The following PCYT1A variants were observed in gnomAD, a reference collection of about 807,000 sequenced individuals.
PCYT1A encodes phosphate cytidylyltransferase 1A, choline.
A neutral mutation model predicts 43.7 loss-of-function variants in PCYT1A; 25 were observed. That is an observed-to-expected ratio of 0.57 (90% CI 0.42 to 0.80). The LOEUF is 0.80. Among genes scored for constraint, PCYT1A ranks in the 30% least tolerant of loss-of-function variants. The pLI, the probability that PCYT1A is intolerant of heterozygous loss-of-function variation, is 0.00. For synonymous variants in PCYT1A, 172 were observed against 170.7 expected (o/e 1.01, Z -0.06); for missense variants, 421 against 474.2 (o/e 0.89, Z 1.04).
At chr3:196,284,536 G>A (rs1227745552) in intron 1 of PCYT1A, among the ~76,000 whole-genome samples, 5 of 152,208 alleles carry the variant, frequency 3.3e-5, no homozygotes, top group African/African-American at 1.2e-4. Context: ...GTCACAGGGC[G>A]AGTAAATGTT....
intron 2 of PCYT1A, among the ~76,000 whole-genome samples, chr3:196,262,406 A>C (rs928446222): frequency 1.3e-5 from 2 of 152,234 alleles, no homozygotes; most frequent in Non-Finnish European, 2.9e-5. Flanking sequence ...TCACAAAAGT[A>C]GGCACTCGAC....
Position 196,282,810 on chromosome 3 carries a change from A to G in PCYT1A, c.-11+4805T>C, listed in dbSNP as rs1271814122. Among the ~76,000 whole-genome samples the G allele has an allele frequency of 1.3e-5, 2 of 152,204 alleles. No individual in the cohort carries two copies. The highest frequency in any genetic ancestry group is 2.9e-5 in the Non-Finnish European group (2 of 68,044). On this transcript the variant is annotated intron_variant, in intron 1 of 8. Transcript: ENST00000431016. This position sits in a 1 kb window ranked among gnomAD's most constrained non-coding sequence, Gnocchi z 4.3. ...TTTAGGGTAATTTTCTGTATATAAA[A>G]AAACTACCTGTTTTTTATTAAGGGT... is the stretch of plus-strand genomic sequence containing the variant.
chr3:196,261,109 T>C (rs191771708), intron 2 of PCYT1A, among the ~76,000 whole-genome samples: 4 of 152,340 alleles, frequency 2.6e-5, no homozygotes, highest in Admixed American at 2.6e-4. Context: ...TGATTTCATT[T>C]ACATTAGATG....
chr3:196,240,078 G>A lies in PCYT1A; in HGVS notation c.709-343C>T, dbSNP rs141166515. Reference sequence around the variant, plus strand: ...GCATGGCCCGAACCTCATTCCAGACGGAGATACAGAGGCAGCTAAAAGATC... The same window carrying A: ...GCATGGCCCGAACCTCATTCCAGACAGAGATACAGAGGCAGCTAAAAGATC... On this transcript the variant is annotated intron_variant, in intron 7 of 8. Transcript: ENST00000431016. 305 of 237,574 alleles carry A rather than the reference G, an allele frequency of 1.3e-3. 1 individual carries two copies. Among genetic ancestry groups the A allele is most frequent in the African/African-American group, 6.3e-3 (283 of 44,866 alleles). 14.7% of individuals were successfully genotyped at this position (237,574 alleles called of 1,614,324 possible).
chr3:196,284,907 T>A (rs903966977), intron 1 of PCYT1A, among the ~76,000 whole-genome samples: 1 of 152,194 alleles, frequency 6.6e-6, no homozygotes, highest in African/African-American at 2.4e-5. Flanking sequence ...TCCTTTTAGC[T>A]ATGTAGAATG....
intron 5 of PCYT1A, among the ~76,000 whole-genome samples, chr3:196,243,653 C>T (rs1173077474): frequency 6.6e-6 from 1 of 152,242 alleles, no homozygotes; most frequent in African/African-American, 2.4e-5. Flanking sequence ...CCTGCCTCAG[C>T]CTGCCCAGTG....
intron 1 of PCYT1A, among the ~76,000 whole-genome samples, chr3:196,276,065 C>T (rs1725580677): frequency 6.6e-6 from 1 of 151,040 alleles, no homozygotes; most frequent in Admixed American, 6.6e-5. Context: ...CCACTGCACT[C>T]CAGTCTGGGC....
At chr3:196,261,566 GACC>G (rs1725110062) in intron 2 of PCYT1A, among the ~76,000 whole-genome samples, 1 of 152,070 alleles carries the variant, frequency 6.6e-6, no homozygotes, top group South Asian at 2.1e-4. Context: ...GAGGCGGGTA[GACC>G]ACCTTAGGTC....
intron 1 of PCYT1A, among the ~76,000 whole-genome samples, chr3:196,274,629 A>G (rs1725536141): frequency 6.6e-6 from 1 of 152,246 alleles, no homozygotes; most frequent in Non-Finnish European, 1.5e-5. Context: ...AATGCCAGAC[A>G]GAATGAGGAC....
At chr3:196,258,252 C>T (rs574194407) in intron 2 of PCYT1A, among the ~76,000 whole-genome samples, 1 of 149,606 alleles carries the variant, frequency 6.7e-6, no homozygotes, top group African/African-American at 2.5e-5. Context: ...GACCATTGCA[C>T]TCCAGCCTAG....
In PCYT1A at chr3:196,268,181, G is replaced by A. The variant is rs886391415; in HGVS notation, c.117+2234C>T. 6.6e-6 allele frequency among the ~76,000 whole-genome samples: 1 copy of A among 151,896 alleles called. No homozygotes were observed. Among genetic ancestry groups the A allele is most frequent in the Non-Finnish European group, 1.5e-5 (1 of 68,000 alleles). The stretch of plus-strand genomic sequence containing the variant: ...ACCAAGAAATTTAAGTTTTCTCAGA[G>A]CTCATTCCACTGAAAAGACTGGCTT... On this transcript the variant is annotated intron_variant, in intron 2 of 8. Coordinates refer to ENST00000431016, the MANE Select transcript of PCYT1A (RefSeq NM_001312673.2). This position sits in a 1 kb window ranked among gnomAD's most constrained non-coding sequence, Gnocchi z 4.4.
In PCYT1A at chr3:196,257,877, T is replaced by G; in HGVS notation, c.128A>C (p.Gln43Pro). The G allele has an allele frequency of 6.2e-7, 1 of 1,611,480 alleles. No individual in the cohort carries two copies. Among genetic ancestry groups the G allele is most frequent in the Non-Finnish European group, 8.5e-7 (1 of 1,177,694 alleles). ...KVQRCAVGLR[Q>P]PAPFSDEIEV... is the part of the protein sequence containing the mutation. ...AATTTCATCAGAAAAAGGAGCTGGT[T>G]GCCGTAAGCCCTTAAGAAATGGAAA... Residue 43 changes from glutamine (Q) to proline (P), a missense_variant, in exon 3 of 9, where the codon CAA becomes CCA. Physicochemically the swap from Gln to Pro is moderately conservative, Grantham distance 76 (BLOSUM62 -1). This residue lies in a region of PCYT1A where 139 missense variants were observed against 117.7 expected (regional missense o/e 1.18). Transcript: ENST00000431016.
intron 5 of PCYT1A, among the ~76,000 whole-genome samples, chr3:196,243,586 G>A (rs535277220): frequency 2.8e-4 from 42 of 151,830 alleles, no homozygotes; most frequent in African/African-American, 9.0e-4. Context: ...GATGCCGAGC[G>A]GAAGCTGGAC....
intron 2 of PCYT1A, among the ~76,000 whole-genome samples, chr3:196,263,254 G>A (rs1451164730): frequency 6.6e-6 from 1 of 151,882 alleles, no homozygotes; most frequent in Non-Finnish European, 1.5e-5. Flanking sequence ...TCTCACTGTT[G>A]CCCAGGTTGG....
Position 196,235,251 on chromosome 3 carries a change from CA to C in PCYT1A, c.*3436del, listed in dbSNP as rs370723733. On this transcript the variant is annotated 3_prime_UTR_variant, in exon 9 of 9. Coordinates refer to ENST00000431016, the MANE Select transcript of PCYT1A (RefSeq NM_001312673.2). This position sits in a 1 kb window ranked among gnomAD's most constrained non-coding sequence, Gnocchi z 4.3. The stretch of plus-strand genomic sequence containing the variant: ...ATGGTCTGACCAGCTGTGCAGCCTC[CA>C]AAAAAAAATCACTATCGCTCAGGTG... The C allele has an allele frequency of 2.0e-5, 3 of 151,178 alleles. No homozygotes were observed. The highest frequency in any genetic ancestry group is 4.4e-5 in the Non-Finnish European group (3 of 67,798). The allele number at this position is 151,178 out of a possible 1,614,324, so 9.4% of individuals were successfully genotyped here.
chr3:196,239,882 A>G (rs929428154), intron 7 of PCYT1A, 147 bp from the exon 8 acceptor site: 6 of 616,884 alleles, frequency 9.7e-6, no homozygotes, highest in African/African-American at 1.8e-5. Flanking sequence ...CACTCTCAGC[A>G]TAATAACAGA....
rs1406032993 is a variant in PCYT1A, at chr3:196,237,742, T to C, written c.*946A>G. 1 of 152,190 alleles carries C rather than the reference T, an allele frequency of 6.6e-6. No homozygotes were observed. The highest frequency in any genetic ancestry group is 1.5e-5 in the Non-Finnish European group (1 of 68,034). The allele number at this position is 152,190 out of a possible 1,614,324, so 9.4% of individuals were successfully genotyped here. On this transcript the variant is annotated 3_prime_UTR_variant, in exon 9 of 9. Coordinates refer to ENST00000431016, the MANE Select transcript of PCYT1A (RefSeq NM_001312673.2). ...TTACAAAGTATCCTTTGTAAAAGGC[T>C]AGGTAATATTAATAGCATTCAAATA...
chr3:196,249,690 C>G (rs1338407400), intron 3 of PCYT1A, among the ~76,000 whole-genome samples: 1 of 152,208 alleles, frequency 6.6e-6, no homozygotes, highest in Non-Finnish European at 1.5e-5. Flanking sequence ...AAAGGAAGAG[C>G]TATTTTACTG....
intron 1 of PCYT1A, among the ~76,000 whole-genome samples, chr3:196,272,937 G>C (rs1023822155): frequency 1.3e-5 from 2 of 152,214 alleles, no homozygotes; most frequent in African/African-American, 4.8e-5. Context: ...ACTCAGCCTG[G>C]TAGGCTATGC....
Sources: allele counts gnomAD v4.1 joint callset (sites outside exome capture counted in the v4.1 genomes callset), GRCh38; gene constraint gnomAD v4.1.1; regional missense constraint gnomAD v4.1.1; non-coding constraint Gnocchi (gnomAD v3.1); transcripts MANE v1.5; gene names NCBI Gene and HGNC (gene_info 2026-07-23, HGNC 2026-07-21).